Variants in THOC1 observed in about 807,000 individuals in gnomAD.
THOC1 encodes the protein THO complex subunit 1, also known as THO complex 1.
Under a neutral mutation model 97.3 loss-of-function variants are expected in THOC1, and 29 were observed. That is an observed-to-expected ratio of 0.30 (90% CI 0.22 to 0.41). The LOEUF (loss-of-function observed/expected upper bound fraction) is 0.41, where lower values mean the gene tolerates loss of function less well. Among genes scored for constraint, THOC1 ranks in the 10% least tolerant of loss-of-function variants. The pLI, the probability that THOC1 is intolerant of heterozygous loss-of-function variation, is 1.00. For synonymous variants in THOC1, 255 were observed against 257.0 expected (o/e 0.99, Z 0.07); for missense variants, 529 against 761.9 (o/e 0.69, Z 3.60).
At position 246,436 on chromosome 18, in the gene THOC1, G is replaced by T. The variant is rs771499996; in HGVS notation, c.806C>A (p.Ala269Asp). Reference protein sequence around the residue: ...TFLKYSEEVLAVFKSYKLDDT... With the variant: ...TFLKYSEEVLDVFKSYKLDDT... ...ATCTAATTTATAACTCTTAAAAACA[G>T]CTAAAACTTCTTCAGAATACTGCAA... The change falls in exon 11 of 21, where the codon GCT (alanine) becomes GAT (aspartate). Residue 269 changes from alanine (A) to aspartate (D), a missense_variant. Physicochemically the swap from Ala to Asp is moderately radical, Grantham distance 126. Around this residue, in one of 8 missense-constraint regions of THOC1, gnomAD observed 92 missense variants for 127.0 expected, o/e 0.72. Coordinates refer to ENST00000261600, the MANE Select transcript of THOC1 (RefSeq NM_005131.3). 8.3e-6 allele frequency: 13 copies of T among 1,572,858 alleles called. No individual in the cohort carries two copies. The highest frequency in any genetic ancestry group is 1.1e-5 in the Non-Finnish European group (13 of 1,155,564).
intron 1 of THOC1, among the ~76,000 whole-genome samples, chr18:267,282 G>A (rs1048791536): frequency 6.6e-6 from 1 of 152,090 alleles, no homozygotes; most frequent in African/African-American, 2.4e-5. Flanking sequence ...AACTTTTTGG[G>A]GGGTGTCAGC....
At chr18:261,474 A>G (rs1912603606) in intron 4 of THOC1, among the ~76,000 whole-genome samples, 1 of 152,236 alleles carries the variant, frequency 6.6e-6, no homozygotes, top group Non-Finnish European at 1.5e-5. Flanking sequence ...TGGGTGAAAT[A>G]AAACAGCAGA....
chr18:266,513 T>G (rs916192100), intron 1 of THOC1, among the ~76,000 whole-genome samples: 3 of 151,768 alleles, frequency 2.0e-5, no homozygotes, highest in African/African-American at 7.3e-5. Context: ...ATCTCCAATT[T>G]CATGGTCCTT....
intron 1 of THOC1, 102 bp from the exon 2 acceptor site, chr18:265,632 CT>C: frequency 2.2e-6 from 2 of 922,928 alleles, no homozygotes; most frequent in South Asian, 1.8e-5. Context: ...CTAAAAAATG[CT>C]TATACCTGGG....
intron 9 of THOC1, among the ~76,000 whole-genome samples, chr18:248,589 T>C (rs1912170636): frequency 6.6e-6 from 1 of 152,160 alleles, no homozygotes. Flanking sequence ...TAACTAAAAA[T>C]ATTATATCCT....
rs1479515405 is a variant in THOC1, at chr18:263,247, A to AT, written c.256+778dup. 5.2e-3 allele frequency among the ~76,000 whole-genome samples: 784 copies of AT among 151,326 alleles called. 7 individuals carry two copies. The highest frequency in any genetic ancestry group is 0.018 in the African/African-American group (745 of 41,214). On this transcript the variant is annotated intron_variant, in intron 4 of 20. Coordinates refer to ENST00000261600, the MANE Select transcript of THOC1 (RefSeq NM_005131.3). ...AGGCGCCCGACACCGCGCCCGGCTA[A>AT]TTTTTTTATTTTTAGTAGAGACGGG...
intron 9 of THOC1, among the ~76,000 whole-genome samples, chr18:248,280 G>C (rs936070472): frequency 1.3e-5 from 2 of 152,194 alleles, no homozygotes; most frequent in East Asian, 3.9e-4. Flanking sequence ...GTTGAGAGCG[G>C]AAGTCATATG....
At chr18:247,619 CA>C (rs1202815184) in intron 10 of THOC1, among the ~76,000 whole-genome samples, 2 of 152,128 alleles carry the variant, frequency 1.3e-5, no homozygotes, top group South Asian at 2.1e-4. Flanking sequence ...TCATTATATT[CA>C]AAAAAAGCAA....
At chr18:247,642 C>T (rs902808909) in intron 10 of THOC1, among the ~76,000 whole-genome samples, 3 of 152,128 alleles carry the variant, frequency 2.0e-5, no homozygotes, top group South Asian at 2.1e-4. Flanking sequence ...GCTGTAATGA[C>T]GAACTTTTAA....
At chr18:264,149 T>C in intron 3 of THOC1, 57 bp from the exon 4 acceptor site, 9 of 1,192,056 alleles carry the variant, frequency 7.5e-6, no homozygotes, top group Non-Finnish European at 1.1e-5. Flanking sequence ...CTAAACTCGA[T>C]TAACAGTAAA....
Position 266,069 on chromosome 18 carries a change from C to T in THOC1, c.55-539G>A, listed in dbSNP as rs1049309472. The stretch of plus-strand genomic sequence containing the variant: ...ATTCTCCCACACCCATGTCAGGTCT[C>T]GCCTCCTGGAGGTATCTTGTTCAGT... On this transcript the variant is annotated intron_variant, in intron 1 of 20. Coordinates refer to ENST00000261600, the MANE Select transcript of THOC1 (RefSeq NM_005131.3). 5.9e-5 allele frequency among the ~76,000 whole-genome samples: 9 copies of T among 152,212 alleles called. No individual in the cohort carries two copies. In the East Asian group the frequency reaches 9.6e-4, roughly 16 times the overall value.
At chr18:258,075 A>C (rs1290665992) in intron 7 of THOC1, among the ~76,000 whole-genome samples, 1 of 152,198 alleles carries the variant, frequency 6.6e-6, no homozygotes, top group Non-Finnish European at 1.5e-5. Flanking sequence ...TAGTAAAACT[A>C]AAAGAAAACC....
intron 19 of THOC1, chr18:215,779 G>A: frequency 2.8e-6 from 1 of 353,698 alleles, no homozygotes; most frequent in East Asian, 5.4e-5. Context: ...TCCAGGATTT[G>A]CAAATACCCA....
At chr18:227,394 G>A (rs1245823415) in intron 11 of THOC1, among the ~76,000 whole-genome samples, 5 of 151,996 alleles carry the variant, frequency 3.3e-5, no homozygotes, top group Admixed American at 2.0e-4. Context: ...AAGAAGATAC[G>A]GATAACAGCA....
Position 233,358 on chromosome 18 carries a change from G to A in THOC1, c.919-6457C>T, listed in dbSNP as rs544526392. Among the ~76,000 whole-genome samples the A allele has an allele frequency of 3.2e-4, 48 of 152,170 alleles. 1 individual carries two copies. The highest frequency in any genetic ancestry group is 2.9e-3 in the Admixed American group (45 of 15,294). On this transcript the variant is annotated intron_variant, in intron 11 of 20. Coordinates refer to ENST00000261600, the MANE Select transcript of THOC1 (RefSeq NM_005131.3). ...TCCCAGCACTTTGGGAGGCTGAGGC[G>A]GGCAGATCACCTGAGGTTGGGAGTT...
intron 8 of THOC1, among the ~76,000 whole-genome samples, chr18:253,284 A>G (rs1375485925): frequency 2.0e-5 from 3 of 152,200 alleles, no homozygotes; most frequent in Non-Finnish European, 4.4e-5. Flanking sequence ...TTTATCCTAA[A>G]AAGACATCTG....
At chr18:248,701 A>G (rs1912174677) in intron 9 of THOC1, among the ~76,000 whole-genome samples, 1 of 152,092 alleles carries the variant, frequency 6.6e-6, no homozygotes, top group Non-Finnish European at 1.5e-5. Context: ...TACTAATTCA[A>G]CTTCTAATCT....
chr18:259,276 C>A lies in THOC1; in HGVS notation c.425-1G>T. On this transcript the variant is annotated splice_acceptor_variant, in intron 6 of 20. Coordinates refer to ENST00000261600, the MANE Select transcript of THOC1 (RefSeq NM_005131.3). LOFTEE classifies it high-confidence loss of function. ...GATTTAGACAATCTTCTTAGGAGATCTAACAATATATGAAAATGAACGTTA... is the reference window on the plus strand; with the variant it reads ...GATTTAGACAATCTTCTTAGGAGATATAACAATATATGAAAATGAACGTTA... The A allele has an allele frequency of 6.3e-7, 1 of 1,595,404 alleles. No homozygotes were observed. The highest frequency in any genetic ancestry group is 1.3e-5 in the African/African-American group (1 of 74,124).
rs547089014 is a variant in THOC1 at position 226,854 on chromosome 18, C to A, written c.966G>T (p.Leu322=). ...LSDSNFRRHI[L]LQYLILFQYL... Reference sequence around the variant, plus strand: ...ATTGGAATAAAATGAGATACTGCAACAGGATGTGTCGACGAAAGTTACTGT... The same window carrying A: ...ATTGGAATAAAATGAGATACTGCAAAAGGATGTGTCGACGAAAGTTACTGT... The change falls in exon 12 of 21, where the codon CTG becomes CTT. Residue 322 remains leucine (L), a synonymous_variant. Coordinates refer to ENST00000261600, the MANE Select transcript of THOC1 (RefSeq NM_005131.3). The A allele has an allele frequency of 6.2e-7, 1 of 1,612,156 alleles. No homozygotes were observed. The highest frequency in any genetic ancestry group is 2.2e-5 in the East Asian group (1 of 44,860).
Sources: allele counts gnomAD v4.1 joint callset (sites outside exome capture counted in the v4.1 genomes callset), GRCh38; gene constraint gnomAD v4.1.1; regional missense constraint gnomAD v4.1.1; transcripts MANE v1.5; gene names NCBI Gene and HGNC (gene_info 2026-07-23, HGNC 2026-07-21).